The following LSM1 variants were observed in gnomAD, a reference collection of about 807,000 sequenced individuals.
LSM1 encodes U6 snRNA-associated Sm-like protein LSm1.
Under a neutral mutation model 18.0 loss-of-function variants are expected in LSM1, and 13 were observed. The observed-to-expected ratio is 0.72, with a 90% CI of 0.47 to 1.15. The LOEUF (loss-of-function observed/expected upper bound fraction) is 1.15, where lower values mean the gene tolerates loss of function less well. Ranked by LOEUF, LSM1 falls within the 50% of genes most tolerant of loss-of-function variation. The probability of loss-of-function intolerance (pLI) is 0.00; values close to 1 mark genes in which losing one functional copy is unlikely to be tolerated. For missense variants in LSM1, 152 were observed against 157.7 expected (o/e 0.96, Z 0.19); for synonymous variants, 46 against 56.0 (o/e 0.82, Z 0.80).
intron 2 of LSM1, among the ~76,000 whole-genome samples, chr8:38,170,523 A>G (rs2130644223): frequency 1.3e-5 from 2 of 152,360 alleles, no homozygotes; most frequent in Middle Eastern, 6.8e-3. Flanking sequence ...ATAGGAAAAT[A>G]TAAATGAATA....
chr8:38,163,593 C>T lies in LSM1; in HGVS notation c.*77G>A, dbSNP rs919081606. The stretch of plus-strand genomic sequence containing the variant: ...AAACTCTACAGTCTGTGATCAAATG[C>T]GTGAGGTGGCCAGGATGTCACTTTC... On this transcript the variant is annotated 3_prime_UTR_variant, in exon 4 of 4. Transcript: ENST00000311351. The T allele has an allele frequency of 6.0e-5, 77 of 1,291,152 alleles. No individual in the cohort carries two copies. Among genetic ancestry groups the T allele is most frequent in the Middle Eastern group, 2.4e-4 (1 of 4,236 alleles). The allele number at this position is 1,291,152 out of a possible 1,614,324, so 80.0% of individuals were successfully genotyped here.
chr8:38,175,036 AAAAAAAAAG>A (rs1390943575), intron 1 of LSM1, among the ~76,000 whole-genome samples: 1 of 150,832 alleles, frequency 6.6e-6, no homozygotes, highest in Non-Finnish European at 1.5e-5. Context: ...AAAAAAAAAA[AAAAAAAAAG>A]AAAAGAAAAG....
Position 38,169,845 on chromosome 8 carries a change from A to G in LSM1, c.188T>C (p.Ile63Thr), listed in dbSNP as rs1802994358. Residue 63 changes from isoleucine (I) to threonine (T), a missense_variant, in exon 3 of 4, where the codon ATT (isoleucine) becomes ACT (threonine). By Grantham distance (89) the Ile-to-Thr change is moderately conservative. Coordinates refer to ENST00000311351, the MANE Select transcript of LSM1 (RefSeq NM_014462.3). Reference sequence around the variant, plus strand: ...CACATTTTCTCCTCTGACCACAAAAATCCCTCGAGGAATATCACCGTATTT... The same window carrying G: ...CACATTTTCTCCTCTGACCACAAAAGTCCCTCGAGGAATATCACCGTATTT... ...GKKYGDIPRG[I>T]FVVRGENVVL... 1 of 1,613,794 alleles carries G rather than the reference A, an allele frequency of 6.2e-7. No homozygotes were observed. Among genetic ancestry groups the G allele is most frequent in the Non-Finnish European group, 8.5e-7 (1 of 1,179,876 alleles).
intron 3 of LSM1, among the ~76,000 whole-genome samples, chr8:38,166,503 T>G (rs1802932430): frequency 6.6e-6 from 1 of 152,238 alleles, no homozygotes; most frequent in African/African-American, 2.4e-5. Flanking sequence ...AAAATGAATG[T>G]ACAGGTATTA....
chr8:38,170,193 A>T (rs1490411482), intron 2 of LSM1, among the ~76,000 whole-genome samples: 2 of 152,146 alleles, frequency 1.3e-5, no homozygotes, highest in Non-Finnish European at 2.9e-5. Context: ...GGTGCCTGCC[A>T]CCACTCCCGG....
chr8:38,164,954 C>A (rs984298846), intron 3 of LSM1, among the ~76,000 whole-genome samples: 4 of 152,198 alleles, frequency 2.6e-5, no homozygotes, highest in Non-Finnish European at 4.4e-5. Context: ...TAACAAGACT[C>A]TTTTTCCCTT....
intron 2 of LSM1, chr8:38,171,105 T>C (rs1010169293): frequency 1.2e-5 from 4 of 339,322 alleles, no homozygotes; most frequent in East Asian, 1.5e-4. Flanking sequence ...TATCCCTATA[T>C]GTAAAGTATT....
At chr8:38,169,675 T>G in intron 3 of LSM1, 127 bp downstream of exon 3, 1 of 567,876 alleles carries the variant, frequency 1.8e-6, no homozygotes. Flanking sequence ...CTAAATTAAT[T>G]TGGTAGTTGC....
rs1802872641 is a variant in LSM1, at chr8:38,163,372, A to C, written c.*298T>G. On this transcript the variant is annotated 3_prime_UTR_variant, in exon 4 of 4. Coordinates refer to ENST00000311351, the MANE Select transcript of LSM1 (RefSeq NM_014462.3). ...TTCATATTTTATTTACAAGTAAATGAAGACTGTCCCTGTAAACTCTAATTT... is the reference window on the plus strand; with the variant it reads ...TTCATATTTTATTTACAAGTAAATGCAGACTGTCCCTGTAAACTCTAATTT... The C allele has an allele frequency of 3.9e-6, 1 of 253,606 alleles. No homozygotes were observed. The allele number at this position is 253,606 out of a possible 1,614,324, so 15.7% of individuals were successfully genotyped here.
chr8:38,165,041 T>C (rs549128772), intron 3 of LSM1, among the ~76,000 whole-genome samples: 1 of 152,144 alleles, frequency 6.6e-6, no homozygotes, highest in African/African-American at 2.4e-5. Flanking sequence ...AATATTTTTC[T>C]CCACTATTTA....
At chr8:38,167,932 CCCATGG>C (rs2130641007) in intron 3 of LSM1, among the ~76,000 whole-genome samples, 1 of 151,864 alleles carries the variant, frequency 6.6e-6, no homozygotes, top group Non-Finnish European at 1.5e-5. Flanking sequence ...GTAGTGTCTC[CCCATGG>C]GTACCATGGT....
chr8:38,166,282 T>C (rs1802928165), intron 3 of LSM1, among the ~76,000 whole-genome samples: 1 of 152,134 alleles, frequency 6.6e-6, no homozygotes, highest in African/African-American at 2.4e-5. Flanking sequence ...ACATCTGGCA[T>C]TAAATCTTTT....
chr8:38,176,714 C>T (rs773583459), upstream of LSM1: 5 of 987,908 alleles, frequency 5.1e-6, no homozygotes, highest in Non-Finnish European at 5.6e-6. Context: ...CCTCAGCTTT[C>T]GGGGTTCGGC....
In LSM1 at chr8:38,176,354, C is replaced by A. The variant is rs1438982437; in HGVS notation, c.-34G>T. 6.3e-7 allele frequency: 1 copy of A among 1,590,888 alleles called. No homozygotes were observed. The highest frequency in any genetic ancestry group is 1.3e-5 in the African/African-American group (1 of 74,676). On this transcript the variant is annotated 5_prime_UTR_variant, in exon 1 of 4. Transcript: ENST00000311351. ...GAAATAATGCTGCAATGCACAGCGG[C>A]GGGAGGCCAGCGCGTCCAAAACCTC...
At chr8:38,170,828 C>T in intron 2 of LSM1, 1 of 227,160 alleles carries the variant, frequency 4.4e-6, no homozygotes, top group South Asian at 5.0e-5. Flanking sequence ...ATCAGGACTC[C>T]AATTTGTTAA....
intron 2 of LSM1, among the ~76,000 whole-genome samples, chr8:38,170,221 G>T (rs1354610713): frequency 6.6e-6 from 1 of 152,024 alleles, no homozygotes; most frequent in Non-Finnish European, 1.5e-5. Context: ...TGTATTTTTA[G>T]CAGAGACAGG....
chr8:38,172,087 T>C, intron 1 of LSM1, 54 bp from the exon 2 acceptor site: 1 of 1,220,870 alleles, frequency 8.2e-7, no homozygotes, highest in Admixed American at 1.9e-5. Flanking sequence ...TCAGCGAGTA[T>C]TTAGGATAAT....
rs1225035363 is a variant in LSM1 at position 38,176,424 on chromosome 8, A to G, written c.-104T>C. 1.0e-5 allele frequency: 9 copies of G among 890,918 alleles called. No individual in the cohort carries two copies. The highest frequency in any genetic ancestry group is 1.4e-5 in the Non-Finnish European group (8 of 566,646). 55.2% of individuals were successfully genotyped at this position (890,918 alleles called of 1,614,324 possible). A position where few individuals can be genotyped will look rare whatever the true frequency, so the allele number is the denominator to read the frequency against. Reference sequence around the variant, plus strand: ...CCGCCTCGGTGGGACCAAGCCCGGAATCCCGACCGAGACCAGCACTTCTGC... The same window carrying G: ...CCGCCTCGGTGGGACCAAGCCCGGAGTCCCGACCGAGACCAGCACTTCTGC... On this transcript the variant is annotated 5_prime_UTR_variant, in exon 1 of 4. Transcript: ENST00000311351.
At chr8:38,175,977 C>T (rs1803129444) in intron 1 of LSM1, 1 of 329,758 alleles carries the variant, frequency 3.0e-6, no homozygotes, top group Non-Finnish European at 5.6e-6. Flanking sequence ...CCCCGGGCTT[C>T]TTTCGTGTTC....
Sources: allele counts gnomAD v4.1 joint callset (sites outside exome capture counted in the v4.1 genomes callset), GRCh38; gene constraint gnomAD v4.1.1; transcripts MANE v1.5; gene names NCBI Gene and HGNC (gene_info 2026-07-23, HGNC 2026-07-21).